Variants in SLC9A2 observed in about 807,000 individuals in gnomAD.
The protein encoded by SLC9A2 is solute carrier family 9 member A2.
In SLC9A2, 42 loss-of-function variants were observed where a neutral mutation model predicts 71.7. That is an observed-to-expected ratio of 0.59 (90% CI 0.46 to 0.76). The LOEUF (loss-of-function observed/expected upper bound fraction) is 0.76. Among genes scored for constraint, SLC9A2 ranks in the 30% least tolerant of loss-of-function variants. SLC9A2 has a pLI of 0.00. For synonymous variants in SLC9A2, 396 were observed against 392.5 expected, an observed-to-expected ratio of 1.01 and a Z score of -0.10; for missense variants, 829 against 1,017.4, an observed-to-expected ratio of 0.81 and a Z score of 2.52.
chr2:102,704,555 C>T lies in SLC9A2; in HGVS notation c.1857C>T (p.Tyr619=), dbSNP rs371958493. 6.2e-7 allele frequency: 1 copy of T among 1,612,560 alleles called. No homozygotes were observed. The highest frequency in any genetic ancestry group is 1.7e-5 in the Admixed American group (1 of 59,968). ...TGTTTTCATTCCAGACTTTATCCTA[C>T]AACAGACACAGTCTGACAGCCGACA... ...LYQIRQRTLS[Y]NRHSLTADTS... Residue 619 remains tyrosine (Y), a synonymous_variant, in exon 10 of 12, where the codon TAC becomes TAT. Coordinates refer to ENST00000233969, the MANE Select transcript of SLC9A2 (RefSeq NM_003048.6).
chr2:102,690,643 A>G (rs1677641064), intron 5 of SLC9A2, among the ~76,000 whole-genome samples: 1 of 152,116 alleles, frequency 6.6e-6, no homozygotes, highest in Non-Finnish European at 1.5e-5. Flanking sequence ...GAAAGTGCTA[A>G]AAGAGAGACA....
intron 9 of SLC9A2, among the ~76,000 whole-genome samples, chr2:102,704,304 C>A (rs1274771345): frequency 2.6e-5 from 4 of 151,362 alleles, no homozygotes; most frequent in South Asian, 2.1e-4. Flanking sequence ...GATCAAGACC[C>A]CAACTCTAAA....
chr2:102,686,979 A>C (rs1677558095), intron 5 of SLC9A2, among the ~76,000 whole-genome samples: 1 of 152,192 alleles, frequency 6.6e-6, no homozygotes, highest in Non-Finnish European at 1.5e-5. Context: ...TATTGTGAAC[A>C]CATCAAGCTA....
intron 2 of SLC9A2, among the ~76,000 whole-genome samples, chr2:102,659,446 T>C (rs1677011642): frequency 6.6e-6 from 1 of 151,762 alleles, no homozygotes; most frequent in Non-Finnish European, 1.5e-5. Flanking sequence ...ATCTCAATAA[T>C]AATAATAATA....
At chr2:102,621,932 A>T (rs537661722) in intron 1 of SLC9A2, among the ~76,000 whole-genome samples, 68 of 152,224 alleles carry the variant, frequency 4.5e-4, no homozygotes, top group Non-Finnish European at 5.9e-4. Context: ...AGCAGGTAGA[A>T]GGGATGGTTT....
chr2:102,641,101 C>T (rs12998183), intron 1 of SLC9A2, among the ~76,000 whole-genome samples: 73,745 of 151,886 alleles, frequency 0.49, 18,570 homozygotes, highest in East Asian at 0.68. Flanking sequence ...GTAATAGGAG[C>T]GTCACAGTGA....
intron 3 of SLC9A2, among the ~76,000 whole-genome samples, chr2:102,677,253 T>C (rs1211774758): frequency 6.6e-6 from 1 of 151,822 alleles, no homozygotes; most frequent in Non-Finnish European, 1.5e-5. Context: ...TGACAAATCA[T>C]TTAAGTAGAA....
intron 1 of SLC9A2, among the ~76,000 whole-genome samples, chr2:102,620,402 C>T (rs1676111696): frequency 6.6e-6 from 1 of 152,230 alleles, no homozygotes; most frequent in South Asian, 2.1e-4. Context: ...TTCTGCCGCA[C>T]GGAACGCCAA....
chr2:102,687,290 A>G (rs558768852), intron 5 of SLC9A2, among the ~76,000 whole-genome samples: 30 of 152,198 alleles, frequency 2.0e-4, no homozygotes, highest in Non-Finnish European at 3.7e-4. Flanking sequence ...CTGAACACAC[A>G]CACGTGCACA....
intron 1 of SLC9A2, among the ~76,000 whole-genome samples, chr2:102,655,352 C>T (rs1183787984): frequency 6.6e-6 from 1 of 152,034 alleles, no homozygotes; most frequent in Non-Finnish European, 1.5e-5. Context: ...TGGGATTTCA[C>T]CATGTTGGCC....
At chr2:102,653,388 C>T (rs1676872363) in intron 1 of SLC9A2, among the ~76,000 whole-genome samples, 2 of 152,206 alleles carry the variant, frequency 1.3e-5, no homozygotes, top group Non-Finnish European at 2.9e-5. Context: ...TTTGTTACCC[C>T]TGGATTTTCC....
At chr2:102,659,450 A>G (rs950504163) in intron 2 of SLC9A2, among the ~76,000 whole-genome samples, 5 of 151,928 alleles carry the variant, frequency 3.3e-5, no homozygotes, top group Non-Finnish European at 7.4e-5. Context: ...CAATAATAAT[A>G]ATAATAATAA....
At chr2:102,652,104 TA>T (rs1291257531) in intron 1 of SLC9A2, among the ~76,000 whole-genome samples, 6 of 152,342 alleles carry the variant, frequency 3.9e-5, no homozygotes, top group African/African-American at 1.4e-4. Context: ...GTCAACATTT[TA>T]AAAGAAAGTG....
rs553897597 is a variant in SLC9A2 at position 102,622,199 on chromosome 2, G to A, written c.289+2062G>A. ...TAAATTGCCTCTAATAATAAACTCA[G>A]ATGCCACAAGCCTGCCCTGTAGGGA... On this transcript the variant is annotated intron_variant, in intron 1 of 11. Coordinates refer to ENST00000233969, the MANE Select transcript of SLC9A2 (RefSeq NM_003048.6). 3.9e-5 allele frequency among the ~76,000 whole-genome samples: 6 copies of A among 152,252 alleles called. No homozygotes were observed. In the East Asian group the frequency reaches 9.7e-4, roughly 25 times the overall value.
intron 3 of SLC9A2, among the ~76,000 whole-genome samples, chr2:102,679,763 T>C (rs1012265494): frequency 2.0e-5 from 3 of 152,222 alleles, no homozygotes; most frequent in Admixed American, 2.0e-4. Flanking sequence ...GCCTGTATGG[T>C]TTACTTTTTT....
chr2:102,640,554 A>G (rs948105271), intron 1 of SLC9A2, among the ~76,000 whole-genome samples: 1 of 152,182 alleles, frequency 6.6e-6, no homozygotes, highest in Non-Finnish European at 1.5e-5. Flanking sequence ...TTATAAAGGG[A>G]TACAGATGAG....
At chr2:102,661,030 T>A (rs1489975358) in intron 2 of SLC9A2, among the ~76,000 whole-genome samples, 1 of 152,124 alleles carries the variant, frequency 6.6e-6, no homozygotes, top group Non-Finnish European at 1.5e-5. Context: ...GCAAAAGAAA[T>A]GCAGATCAAA....
intron 3 of SLC9A2, among the ~76,000 whole-genome samples, chr2:102,675,730 A>T (rs1271714702): frequency 1.3e-5 from 2 of 152,220 alleles, no homozygotes; most frequent in Non-Finnish European, 2.9e-5. Context: ...GGAAGGAAGA[A>T]TAGTTGGCAA....
intron 1 of SLC9A2, among the ~76,000 whole-genome samples, chr2:102,632,634 G>C (rs1336887969): frequency 1.3e-5 from 2 of 152,008 alleles, no homozygotes; most frequent in Non-Finnish European, 2.9e-5. Context: ...TGGTGGGTAG[G>C]GCAGGGGAAT....
Sources: gnomAD v4.1 joint callset for allele counts (sites outside exome capture counted in the v4.1 genomes callset) on GRCh38, gnomAD v4.1.1 for gene constraint, MANE v1.5 for transcripts, NCBI Gene and HGNC (gene_info 2026-07-23, HGNC 2026-07-21) for gene names.